WFDC2: variants seen among roughly 807,000 people sequenced by gnomAD.
WFDC2 encodes the protein WAP four-disulfide core domain protein 2.
WFDC2 carries 8 observed loss-of-function variants against 12.5 expected under a neutral mutation model. The observed-to-expected ratio is 0.64, with a 90% confidence interval of 0.37 to 1.15. The LOEUF (loss-of-function observed/expected upper bound fraction) is 1.15. Ranked by LOEUF, WFDC2 falls within the 50% of genes most tolerant of loss-of-function variation. The pLI, the probability that WFDC2 is intolerant of heterozygous loss-of-function variation, is 0.01. For missense variants in WFDC2, 166 were observed against 159.9 expected (o/e 1.04, Z -0.21); for synonymous variants, 74 against 67.2 (o/e 1.10, Z -0.49).
At chr20:45,474,995 G>A (rs1991215658) in intron 2 of WFDC2, among the ~76,000 whole-genome samples, 1 of 152,174 alleles carries the variant, frequency 6.6e-6, no homozygotes, top group South Asian at 2.1e-4. Context: ...TCTGATGGTA[G>A]ATTGTATTTC....
intron 2 of WFDC2, among the ~76,000 whole-genome samples, chr20:45,478,604 C>T (rs935541614): frequency 4.6e-5 from 7 of 152,196 alleles, no homozygotes; most frequent in South Asian, 2.1e-4. Context: ...TGTTACTATT[C>T]GGCCATCTTG....
intron 2 of WFDC2, among the ~76,000 whole-genome samples, chr20:45,473,213 T>C (rs1465912362): frequency 6.6e-6 from 1 of 152,214 alleles, no homozygotes; most frequent in Admixed American, 6.5e-5. Context: ...ATTTTGGCTT[T>C]TGTTGCCATT....
rs1211267072 is a variant in WFDC2 at position 45,470,478 on chromosome 20, G to T, written c.169G>T (p.Asp57Tyr). Reference protein sequence around the residue: ...QECVSDSECADNLKCCSAGCA... With the variant: ...QECVSDSECAYNLKCCSAGCA... Reference sequence around the variant, plus strand: ...GTGCGTCTCGGACAGCGAATGCGCCGACAACCTCAAGTGCTGCAGCGCGGG... The same window carrying T: ...GTGCGTCTCGGACAGCGAATGCGCCTACAACCTCAAGTGCTGCAGCGCGGG... Residue 57 changes from aspartate (D) to tyrosine (Y), a missense_variant, in exon 2 of 4, where the codon GAC (aspartate) becomes TAC (tyrosine). Transcript: ENST00000372676. This position sits in a 1 kb window ranked among gnomAD's most constrained non-coding sequence, Gnocchi z 5.4. 1.3e-6 allele frequency: 2 copies of T among 1,597,802 alleles called. No homozygotes were observed. Among genetic ancestry groups the T allele is most frequent in the Admixed American group, 1.7e-5 (1 of 58,288 alleles).
chr20:45,473,075 A>G (rs1294212918), intron 2 of WFDC2, among the ~76,000 whole-genome samples: 2 of 152,130 alleles, frequency 1.3e-5, no homozygotes, highest in Non-Finnish European at 2.9e-5. Context: ...TAGATTCTGT[A>G]TATTAGCCCT....
intron 2 of WFDC2, among the ~76,000 whole-genome samples, chr20:45,478,839 C>T (rs773296279): frequency 5.3e-5 from 8 of 152,018 alleles, no homozygotes; most frequent in Admixed American, 2.0e-4. Context: ...TCCTGACCTC[C>T]GATGATCCCA....
chr20:45,478,591 A>G (rs561846973), intron 2 of WFDC2, among the ~76,000 whole-genome samples: 1 of 152,016 alleles, frequency 6.6e-6, no homozygotes, highest in East Asian at 1.9e-4. Flanking sequence ...TGCAGACTGG[A>G]GCTGTTACTA....
chr20:45,480,141 G>T (rs914013933), intron 3 of WFDC2, 47 bp downstream of exon 3: 8 of 1,606,140 alleles, frequency 5.0e-6, no homozygotes, highest in Admixed American at 3.4e-5. Context: ...AGGTGTTGTG[G>T]GAAACAGGAG....
rs1330619645 is a variant in WFDC2, at chr20:45,480,048, C to T, written c.330C>T (p.Cys110=). ...AGTGTCCTGGCCAGATGAAATGCTG[C>T]CGCAATGGCTGTGGGAAGGTGTCCT... The part of the protein sequence containing the change: ...DSQCPGQMKC[C]RNGCGKVSCV... Residue 110 remains cysteine (C), a synonymous_variant, in exon 3 of 4, where the codon TGC becomes TGT. Transcript: ENST00000372676. 1.9e-6 allele frequency: 3 copies of T among 1,614,088 alleles called. No individual in the cohort carries two copies. Among genetic ancestry groups the T allele is most frequent in the Admixed American group, 3.3e-5 (2 of 60,006 alleles).
rs1319531604 is a variant in WFDC2, at chr20:45,470,302, T to C, written c.80-87T>C. The C allele has an allele frequency of 3.5e-5, 52 of 1,472,256 alleles. No individual in the cohort carries two copies. The highest frequency in any genetic ancestry group is 4.7e-5 in the Non-Finnish European group (52 of 1,106,908). 91.2% of individuals were successfully genotyped at this position (1,472,256 alleles called of 1,614,324 possible). A position where few individuals can be genotyped will look rare whatever the true frequency, so the allele number is the denominator to read the frequency against. Reference sequence around the variant, plus strand: ...CTAGGGCCAGAGACTGAGAATTCCTTGGGGTTAAGGTTTGGAGCAGGAGGT... The same window carrying C: ...CTAGGGCCAGAGACTGAGAATTCCTCGGGGTTAAGGTTTGGAGCAGGAGGT... On this transcript the variant is annotated intron_variant, in intron 1 of 3. Coordinates refer to ENST00000372676, the MANE Select transcript of WFDC2 (RefSeq NM_006103.4). This position sits in a 1 kb window ranked among gnomAD's most constrained non-coding sequence, Gnocchi z 5.4.
Position 45,470,626 on chromosome 20 carries a change from G to C in WFDC2, c.223+94G>C. The stretch of plus-strand genomic sequence containing the variant: ...GGGTTCCGGGAACAGGGGCGCCCCC[G>C]GACCCGGGGACCCCCGGGAAAGTCA... On this transcript the variant is annotated intron_variant, in intron 2 of 3. Coordinates refer to ENST00000372676, the MANE Select transcript of WFDC2 (RefSeq NM_006103.4). This position sits in a 1 kb window ranked among gnomAD's most constrained non-coding sequence, Gnocchi z 5.4. 2 of 1,438,152 alleles carry C rather than the reference G, an allele frequency of 1.4e-6. No individual in the cohort carries two copies. Among genetic ancestry groups the C allele is most frequent in the Non-Finnish European group, 1.8e-6 (2 of 1,091,982 alleles). 89.1% of individuals were successfully genotyped at this position (1,438,152 alleles called of 1,614,324 possible).
At chr20:45,471,721 T>C (rs1396472430) in intron 2 of WFDC2, among the ~76,000 whole-genome samples, 1 of 152,108 alleles carries the variant, frequency 6.6e-6, no homozygotes, top group Non-Finnish European at 1.5e-5. Flanking sequence ...TGCTGTTTGA[T>C]GGATGAAGAA....
At position 45,470,312 on chromosome 20, in the gene WFDC2, G is replaced by C; in HGVS notation, c.80-77G>C. ...AGACTGAGAATTCCTTGGGGTTAAG[G>C]TTTGGAGCAGGAGGTGGGCATCCTC... is the stretch of plus-strand genomic sequence containing the variant. On this transcript the variant is annotated intron_variant, in intron 1 of 3. Transcript: ENST00000372676. The surrounding 1 kb of genome is among the most constrained non-coding windows in gnomAD (Gnocchi z 5.4). The C allele has an allele frequency of 6.7e-7, 1 of 1,500,812 alleles. No homozygotes were observed. Among genetic ancestry groups the C allele is most frequent in the Non-Finnish European group, 8.9e-7 (1 of 1,120,998 alleles). The allele number at this position is 1,500,812 out of a possible 1,614,324, so 93.0% of individuals were successfully genotyped here.
intron 2 of WFDC2, chr20:45,471,109 A>G (rs1225765906): frequency 4.2e-6 from 2 of 470,968 alleles, no homozygotes; most frequent in Non-Finnish European, 8.8e-6. Flanking sequence ...CCGCCATCCC[A>G]TGGCTGCTGG....
At chr20:45,471,534 C>G (rs992526546) in intron 2 of WFDC2, 1 of 159,122 alleles carries the variant, frequency 6.3e-6, no homozygotes, top group African/African-American at 2.4e-5. Context: ...CCCAAGACAC[C>G]GATCAGCAGG....
At chr20:45,471,886 C>T (rs1430602754) in intron 2 of WFDC2, among the ~76,000 whole-genome samples, 16 of 152,166 alleles carry the variant, frequency 1.1e-4, no homozygotes, top group Non-Finnish European at 2.4e-4. Context: ...CTCTGAGCCT[C>T]TGCTCTAAGA....
rs780911161 is a variant in WFDC2 at position 45,470,349 on chromosome 20, C to G, written c.80-40C>G. The G allele has an allele frequency of 3.9e-6, 6 of 1,545,364 alleles. No individual in the cohort carries two copies. The highest frequency in any genetic ancestry group is 5.3e-6 in the Non-Finnish European group (6 of 1,142,550). On this transcript the variant is annotated intron_variant, in intron 1 of 3. Transcript: ENST00000372676. The surrounding 1 kb of genome is among the most constrained non-coding windows in gnomAD (Gnocchi z 5.4). ...AGGTGGGCATCCTCTGGGGCTGGCG[C>G]TACGCCCCACCCTCGACTGTCCCGG...
chr20:45,479,917 T>G, intron 2 of WFDC2, 25 bp from the exon 3 acceptor site: 1 of 1,614,086 alleles, frequency 6.2e-7, no homozygotes, highest in Non-Finnish European at 8.5e-7. Context: ...TCTGCCCACT[T>G]ACCCTTACTC....
chr20:45,479,751 CAGG>C, intron 2 of WFDC2, 188 bp from the exon 3 acceptor site: 1 of 1,613,914 alleles, frequency 6.2e-7, no homozygotes, highest in Non-Finnish European at 8.5e-7. Context: ...CATTTGGGAG[CAGG>C]AGGAGGGATT....
chr20:45,476,478 T>C (rs942570392), intron 2 of WFDC2, among the ~76,000 whole-genome samples: 27 of 152,230 alleles, frequency 1.8e-4, no homozygotes, highest in African/African-American at 6.3e-4. Flanking sequence ...GAAAATTCTT[T>C]AAGAATATTG....
Sources: gnomAD v4.1 joint callset for allele counts (sites outside exome capture counted in the v4.1 genomes callset) on GRCh38, gnomAD v4.1.1 for gene constraint, Gnocchi (gnomAD v3.1) non-coding constraint, MANE v1.5 for transcripts, NCBI Gene and HGNC (gene_info 2026-07-23, HGNC 2026-07-21) for gene names.